CYP2A13: variants seen among roughly 807,000 people sequenced by gnomAD.
CYP2A13 encodes the protein cytochrome P450 family 2 subfamily A member 13.
CYP2A13 carries 30 observed loss-of-function variants against 39.4 expected under a neutral mutation model. The observed-to-expected ratio is 0.76, with a 90% CI of 0.57 to 1.03. The LOEUF is 1.03. Among genes scored for constraint, CYP2A13 ranks in the 50% least tolerant of loss-of-function variants. The pLI, the probability that CYP2A13 is intolerant of heterozygous loss-of-function variation, is 0.00. For missense variants in CYP2A13, 731 were observed against 648.4 expected, an observed-to-expected ratio of 1.13 and a Z score of -1.38; for synonymous variants, 269 against 254.7, an observed-to-expected ratio of 1.06 and a Z score of -0.54.
chr19:41,094,620 G>A (rs1193311798), intron 7 of CYP2A13, among the ~76,000 whole-genome samples, 188 bp downstream of exon 7: 1 of 151,972 alleles, frequency 6.6e-6, no homozygotes, highest in Non-Finnish European at 1.5e-5. Context: ...CCTGCATCTC[G>A]CCAGACTCTT....
At chr19:41,095,469 G>C (rs2031283893) in intron 8 of CYP2A13, among the ~76,000 whole-genome samples, 1 of 152,142 alleles carries the variant, frequency 6.6e-6, no homozygotes, top group South Asian at 2.1e-4. Flanking sequence ...ATCTATGATG[G>C]AGGCATGACA....
chr19:41,088,996 G>A lies in CYP2A13; in HGVS notation c.248G>A (p.Gly83Glu), dbSNP rs1475337386. ...CCCCGGCGGGTCGTGGTGCTGTGCG[G>A]ACATGATGCCGTCAAGGAGGCTCTG... ...LGPRRVVVLC[G>E]HDAVKEALVD... The change falls in exon 2 of 9, where the codon GGA (glycine) becomes GAA (glutamate). Residue 83 changes from glycine (G) to glutamate (E), a missense_variant. Physicochemically the swap from Gly to Glu is moderately conservative, Grantham distance 98 (BLOSUM62 -2). Coordinates refer to ENST00000330436, the MANE Select transcript of CYP2A13 (RefSeq NM_000766.5). 1 of 1,613,842 alleles carries A rather than the reference G, an allele frequency of 6.2e-7. No individual in the cohort carries two copies. The highest frequency in any genetic ancestry group is 8.5e-7 in the Non-Finnish European group (1 of 1,179,884).
chr19:41,092,082 G>A (rs1311850274), intron 5 of CYP2A13, among the ~76,000 whole-genome samples, 174 bp downstream of exon 5: 10 of 151,942 alleles, frequency 6.6e-5, no homozygotes, highest in Admixed American at 1.3e-4. Flanking sequence ...TTGGGAGGCC[G>A]AGGCAGGTGG....
Position 41,090,202 on chromosome 19 carries a change from T to G in CYP2A13, c.493+6T>G. 6.4e-7 allele frequency: 1 copy of G among 1,562,392 alleles called. No homozygotes were observed. The highest frequency in any genetic ancestry group is 8.7e-7 in the Non-Finnish European group (1 of 1,153,596). On this transcript the variant is annotated splice_donor_region_variant and intron_variant, in intron 3 of 8. Coordinates refer to ENST00000330436, the MANE Select transcript of CYP2A13 (RefSeq NM_000766.5). ...CGCCCTCCGGGGCACGCACGGTGAG[T>G]AGGGGACCCCGAGTGCGAGGGCGGG... is the stretch of plus-strand genomic sequence containing the variant.
At position 41,093,757 on chromosome 19, in the gene CYP2A13, A is replaced by G; in HGVS notation, c.959A>G (p.His320Arg). 6.2e-7 allele frequency: 1 copy of G among 1,614,004 alleles called. No homozygotes were observed. Among genetic ancestry groups the G allele is most frequent in the Non-Finnish European group, 8.5e-7 (1 of 1,179,998 alleles). ...TACGGTTTCCTGCTGCTCATGAAGC[A>G]CCCAGAGGTGGAGGGTAAGACTGGA... Reference protein sequence around the residue: ...LRYGFLLLMKHPEVEAKVHEE... With the variant: ...LRYGFLLLMKRPEVEAKVHEE... The change falls in exon 6 of 9, where the codon CAC (histidine) becomes CGC (arginine). Residue 320 changes from histidine to arginine, a missense_variant. His to Arg is a conservative substitution (Grantham distance 29). Coordinates refer to ENST00000330436, the MANE Select transcript of CYP2A13 (RefSeq NM_000766.5).
rs1447759776 is a variant in CYP2A13, at chr19:41,090,397, C to T, written c.494-7C>T. 3.7e-6 allele frequency: 6 copies of T among 1,614,060 alleles called. No homozygotes were observed. The highest frequency in any genetic ancestry group is 3.3e-5 in the Admixed American group (2 of 60,018). Reference sequence around the variant, plus strand: ...TCCCCAACCCCCTTCTCCCGCCACACCTGCAGGCGCCAATATCGATCCCAC... The same window carrying T: ...TCCCCAACCCCCTTCTCCCGCCACATCTGCAGGCGCCAATATCGATCCCAC... On this transcript the variant is annotated splice_region_variant and splice_polypyrimidine_tract_variant and intron_variant, in intron 3 of 8. Transcript: ENST00000330436.
In CYP2A13 at chr19:41,091,726, C is replaced by T; in HGVS notation, c.655-6C>T. The stretch of plus-strand genomic sequence containing the variant: ...TTCCCTTCCCATCCTCTCTCTGCAA[C>T]CCCAGCTCTATGAGATGTTCTCTTC... On this transcript the variant is annotated splice_region_variant and splice_polypyrimidine_tract_variant and intron_variant, in intron 4 of 8. Transcript: ENST00000330436. 1.9e-6 allele frequency: 3 copies of T among 1,613,694 alleles called. No homozygotes were observed. Among genetic ancestry groups the T allele is most frequent in the Non-Finnish European group, 2.5e-6 (3 of 1,179,716 alleles).
intron 8 of CYP2A13, among the ~76,000 whole-genome samples, chr19:41,095,410 G>T (rs768020193): frequency 9.9e-5 from 15 of 152,056 alleles, no homozygotes; most frequent in Admixed American, 3.3e-4. Context: ...GTATCTGGGG[G>T]GTAGGGGCAT....
At chr19:41,089,410 T>G (rs2144723342) in intron 2 of CYP2A13, among the ~76,000 whole-genome samples, 1 of 152,202 alleles carries the variant, frequency 6.6e-6, no homozygotes, top group Non-Finnish European at 1.5e-5. Flanking sequence ...TGTCTTCATT[T>G]GTCTTTTTGT....
chr19:41,090,156 G>A lies in CYP2A13; in HGVS notation c.453G>A (p.Glu151=). The A allele has an allele frequency of 1.3e-6, 2 of 1,595,382 alleles. No homozygotes were observed. The highest frequency in any genetic ancestry group is 1.7e-6 in the Non-Finnish European group (2 of 1,169,890). ...GCGGCATCGAGGAACGCATCCAGGA[G>A]GAGGCGGGCTTCCTCATCGACGCCC... is the stretch of plus-strand genomic sequence containing the variant. ...GKRGIEERIQ[E]EAGFLIDALR... The change falls in exon 3 of 9, where the codon GAG becomes GAA. Residue 151 remains glutamate, a synonymous_variant. Transcript: ENST00000330436.
intron 7 of CYP2A13, among the ~76,000 whole-genome samples, chr19:41,094,758 A>G (rs745418196): frequency 2.0e-5 from 3 of 152,046 alleles, no homozygotes; most frequent in Non-Finnish European, 2.9e-5. Context: ...CTAGTGGAAC[A>G]TGGACCCCAT....
In CYP2A13 at chr19:41,091,836, G is replaced by A. The variant is rs1599654747; in HGVS notation, c.759G>A (p.Glu253=). The change falls in exon 5 of 9, where the codon GAG becomes GAA. Residue 253 remains glutamate (E), a synonymous_variant. Coordinates refer to ENST00000330436, the MANE Select transcript of CYP2A13 (RefSeq NM_000766.5). ...GLEDFIAKKV[E]HNQRTLDPNS... ...AGGACTTCATCGCCAAGAAGGTGGA[G>A]CACAACCAGCGCACGCTGGATCCCA... The A allele has an allele frequency of 6.2e-7, 1 of 1,614,226 alleles. No individual in the cohort carries two copies. The highest frequency in any genetic ancestry group is 8.5e-7 in the Non-Finnish European group (1 of 1,180,042).
At chr19:41,091,551 G>A (rs994187931) in intron 4 of CYP2A13, among the ~76,000 whole-genome samples, 181 bp from the exon 5 acceptor site, 3 of 152,138 alleles carry the variant, frequency 2.0e-5, no homozygotes, top group East Asian at 1.9e-4. Flanking sequence ...CGTGGCCCTG[G>A]CACCTAATCC....
rs1291434962 is a variant in CYP2A13, at chr19:41,090,104, C to A, written c.401C>A (p.Thr134Asn). Residue 134 changes from threonine to asparagine, a missense_variant, in exon 3 of 9, where the codon ACC becomes AAC. Coordinates refer to ENST00000330436, the MANE Select transcript of CYP2A13 (RefSeq NM_000766.5). ...AKQLRRFSIATLRGFGVGKRG... is the reference protein window; with the variant it reads ...AKQLRRFSIANLRGFGVGKRG... ...CAGCTCCGGCGCTTCTCCATCGCCACCCTAAGGGGTTTTGGCGTGGGCAAG... is the reference window on the plus strand; with the variant it reads ...CAGCTCCGGCGCTTCTCCATCGCCAACCTAAGGGGTTTTGGCGTGGGCAAG... 1 of 1,612,070 alleles carries A rather than the reference C, an allele frequency of 6.2e-7. No homozygotes were observed. Among genetic ancestry groups the A allele is most frequent in the African/African-American group, 1.3e-5 (1 of 74,874 alleles).
chr19:41,093,795 T>G (rs758442376), intron 6 of CYP2A13, 24 bp downstream of exon 6: 8 of 1,612,660 alleles, frequency 5.0e-6, no homozygotes, highest in Non-Finnish European at 5.9e-6. Context: ...GGGAGGAAAG[T>G]GAAGGGCCCC....
In CYP2A13 at chr19:41,095,089, C is replaced by T. The variant is rs1568368380; in HGVS notation, c.1292C>T (p.Pro431Leu). ...TTTAAGAAGAGTGATGCTTTTGTGC[C>T]CTTTTCCATCGGTAAGAGACCACTG... ...GQFKKSDAFV[P>L]FSIGKRYCFG... Residue 431 changes from proline (P) to leucine (L), a missense_variant, in exon 8 of 9, where the codon CCC (proline) becomes CTC (leucine). Transcript: ENST00000330436. 4.3e-6 allele frequency: 7 copies of T among 1,614,114 alleles called. No homozygotes were observed. The highest frequency in any genetic ancestry group is 1.6e-4 in the Middle Eastern group (1 of 6,062).
chr19:41,089,804 GTCTCTCTCTCTCTCTC>G (rs752348205), intron 2 of CYP2A13, among the ~76,000 whole-genome samples: 1,260 of 26,466 alleles, frequency 0.048, 104 homozygotes, highest in East Asian at 0.072. Context: ...TTTCTACCCG[GTCTCTCTCTCTCTCTC>G]TCTCTCTCTC....
Position 41,094,409 on chromosome 19 carries a change from T to A in CYP2A13, c.1138T>A (p.Phe380Ile), listed in dbSNP as rs770998767. ...CCACAGGGTCAACAAGGACACCAAG[T>A]TTCGGGATTTCTTCCTCCCTAAGGT... is the stretch of plus-strand genomic sequence containing the variant. ...LAHRVNKDTK[F>I]RDFFLPKGTE... Residue 380 changes from phenylalanine to isoleucine, a missense_variant, in exon 7 of 9, where the codon TTT (phenylalanine) becomes ATT (isoleucine). Phe to Ile is a conservative substitution (Grantham distance 21). Coordinates refer to ENST00000330436, the MANE Select transcript of CYP2A13 (RefSeq NM_000766.5). The A allele has an allele frequency of 6.2e-7, 1 of 1,613,926 alleles. No individual in the cohort carries two copies. Among genetic ancestry groups the A allele is most frequent in the Non-Finnish European group, 8.5e-7 (1 of 1,179,958 alleles).
In CYP2A13 at chr19:41,093,721, C is replaced by G; in HGVS notation, c.923C>G (p.Thr308Ser). Residue 308 changes from threonine (T) to serine (S), a missense_variant, in exon 6 of 9, where the codon ACC becomes AGC. Physicochemically the swap from Thr to Ser is moderately conservative, Grantham distance 58 (BLOSUM62 1). Coordinates refer to ENST00000330436, the MANE Select transcript of CYP2A13 (RefSeq NM_000766.5). ...TTTGCGGGCACTGAGACCGTGAGCA[C>G]CACCCTGCGCTACGGTTTCCTGCTG... is the stretch of plus-strand genomic sequence containing the variant. Reference protein sequence around the residue: ...LFFAGTETVSTTLRYGFLLLM... With the variant: ...LFFAGTETVSSTLRYGFLLLM... 1 of 1,614,050 alleles carries G rather than the reference C, an allele frequency of 6.2e-7. No homozygotes were observed. The highest frequency in any genetic ancestry group is 8.5e-7 in the Non-Finnish European group (1 of 1,180,010).
Sources: gnomAD v4.1 joint callset for allele counts (sites outside exome capture counted in the v4.1 genomes callset) on GRCh38, gnomAD v4.1.1 for gene constraint, MANE v1.5 for transcripts, NCBI Gene and HGNC (gene_info 2026-07-23, HGNC 2026-07-21) for gene names.